The following TRPC5 variants were observed in gnomAD, a reference collection of about 807,000 sequenced individuals.
TRPC5 encodes transient receptor potential cation channel subfamily C member 5.
TRPC5 carries 9 observed loss-of-function variants against 56.5 expected under a neutral mutation model. That is an observed-to-expected ratio of 0.16 (90% CI 0.10 to 0.28). The LOEUF (loss-of-function observed/expected upper bound fraction) is 0.28, where lower values mean the gene tolerates loss of function less well. TRPC5 is among the 10% of genes least tolerant of loss of function. The pLI is 1.00. For missense variants in TRPC5, 469 were observed against 748.9 expected (o/e 0.63, Z 4.36); for synonymous variants, 282 against 278.5 (o/e 1.01, Z -0.13).
intron 1 of TRPC5, among the ~76,000 whole-genome samples, chrX:112,033,881 A>G (rs1427196843): frequency 9.0e-6 from 1 of 111,675 alleles, no homozygotes. Flanking sequence ...CAAGACCCCC[A>G]TCTCAATAAA....
At chrX:111,859,776 A>T (rs1338611534) in intron 3 of TRPC5, among the ~76,000 whole-genome samples, 1 of 112,546 alleles carries the variant, frequency 8.9e-6, no homozygotes, top group Admixed American at 9.4e-5. Context: ...ACACCATTGC[A>T]GTAAAAGCCT....
intron 1 of TRPC5, among the ~76,000 whole-genome samples, chrX:112,080,250 T>C (rs762327882): frequency 2.8e-4 from 31 of 111,352 alleles, no homozygotes; most frequent in Non-Finnish European, 4.9e-4. Context: ...GGCAATTCAT[T>C]GCATTTTGGT....
At chrX:112,078,205 G>T (rs1930881131) in intron 1 of TRPC5, among the ~76,000 whole-genome samples, 1 of 111,668 alleles carries the variant, frequency 9.0e-6, no homozygotes, top group South Asian at 3.7e-4. Context: ...AGCAAGATAG[G>T]ATTGTGTGTG....
intron 1 of TRPC5, among the ~76,000 whole-genome samples, chrX:112,029,535 A>G (rs944204032): frequency 6.3e-5 from 7 of 111,622 alleles, no homozygotes; most frequent in African/African-American, 2.0e-4. Context: ...TGGGTTGTAC[A>G]GCACCTTTAT....
At chrX:112,053,348 A>G (rs948492532) in intron 1 of TRPC5, among the ~76,000 whole-genome samples, 26 of 111,353 alleles carry the variant, frequency 2.3e-4, no homozygotes, top group African/African-American at 8.2e-4. Context: ...CGATATTTTG[A>G]GTTTCAGTTT....
chrX:111,957,609 C>A (rs1196526569), intron 1 of TRPC5, among the ~76,000 whole-genome samples: 1 of 111,688 alleles, frequency 9.0e-6, no homozygotes, highest in Non-Finnish European at 1.9e-5. Flanking sequence ...GCACCAGAGT[C>A]TACATTCCTG....
At chrX:112,029,609 C>A (rs1344765689) in intron 1 of TRPC5, among the ~76,000 whole-genome samples, 4 of 111,674 alleles carry the variant, frequency 3.6e-5, no homozygotes, top group Non-Finnish European at 7.5e-5. Flanking sequence ...ACATTTCCAC[C>A]AGCAGTGCAA....
At position 111,769,643 on chromosome X, in the gene TRPC5, G is replaced by A. The variant is rs1196906941; in HGVS notation, c.*6670C>T. Among the ~76,000 whole-genome samples the A allele has an allele frequency of 2.7e-5, 3 of 111,307 alleles. No individual in the cohort carries two copies. Among genetic ancestry groups the A allele is most frequent in the African/African-American group, 9.8e-5 (3 of 30,668 alleles). ...ATCATTCCTCAATAAAGTTAATTAG[G>A]GGAAAAAAACTAGATTCCCAAGAAC... On this transcript the variant is annotated 3_prime_UTR_variant, in exon 11 of 11. Coordinates refer to ENST00000262839, the MANE Select transcript of TRPC5 (RefSeq NM_012471.3).
At chrX:111,891,520 T>A (rs1031537239) in intron 3 of TRPC5, among the ~76,000 whole-genome samples, 1 of 111,588 alleles carries the variant, frequency 9.0e-6, no homozygotes, top group East Asian at 2.8e-4. Context: ...TAATCCTTGC[T>A]ACACAGGATT....
rs982419433 is a variant in TRPC5, at chrX:111,769,196, A to G, written c.*7117T>C. Among the ~76,000 whole-genome samples the G allele has an allele frequency of 9.0e-6, 1 of 111,452 alleles. No individual in the cohort carries two copies. Among genetic ancestry groups the G allele is most frequent in the African/African-American group, 3.3e-5 (1 of 30,735 alleles). ...TTTTTCTTTACTGTCCCTCTCCCTG[A>G]TAACAGCCTAGTCACCAGAGCCTCT... On this transcript the variant is annotated 3_prime_UTR_variant, in exon 11 of 11. Transcript: ENST00000262839.
chrX:112,014,961 T>C (rs923948061), intron 1 of TRPC5, among the ~76,000 whole-genome samples: 4 of 111,316 alleles, frequency 3.6e-5, no homozygotes, highest in African/African-American at 1.3e-4. Flanking sequence ...TCCAGATGAT[T>C]CTAGTATGCA....
chrX:111,955,859 A>C (rs1334523796), intron 1 of TRPC5, among the ~76,000 whole-genome samples: 2 of 112,481 alleles, frequency 1.8e-5, no homozygotes, highest in Non-Finnish European at 3.7e-5. Context: ...ATCTGCCATT[A>C]ACCAAAGCTA....
At chrX:112,051,095 C>A (rs1219992928) in intron 1 of TRPC5, among the ~76,000 whole-genome samples, 1 of 112,558 alleles carries the variant, frequency 8.9e-6, no homozygotes, top group Non-Finnish European at 1.9e-5. Flanking sequence ...GCTGGTTCAG[C>A]CAATGGGAGT....
Position 111,776,513 on chromosome X carries a change from C to T in TRPC5, c.2722G>A (p.Glu908Lys), listed in dbSNP as rs781070736. The change falls in exon 11 of 11, where the codon GAA (glutamate) becomes AAA (lysine). Residue 908 changes from glutamate (E) to lysine (K), a missense_variant. This residue lies in a region of TRPC5 where 194 missense variants were observed against 221.8 expected (regional missense o/e 0.87). Transcript: ENST00000262839. ...EINLSEVELG[E>K]VQGAAQSSEC... ...CTGCTCTGAGCAGCGCCCTGGACTT[C>T]ACCTAATTCTACCTCACTGAGGTTA... 3 of 1,209,182 alleles carry T rather than the reference C, an allele frequency of 2.5e-6. No homozygotes were observed.
At chrX:111,968,654 G>T (rs1287790260) in intron 1 of TRPC5, among the ~76,000 whole-genome samples, 1 of 109,019 alleles carries the variant, frequency 9.2e-6, no homozygotes, top group Non-Finnish European at 1.9e-5. Flanking sequence ...CATAAAAAAT[G>T]ATGAGTTCAT....
intron 7 of TRPC5, among the ~76,000 whole-genome samples, chrX:111,793,725 G>A (rs1459502221): frequency 1.8e-5 from 2 of 111,559 alleles, no homozygotes; most frequent in African/African-American, 3.3e-5. Context: ...AAATGAAAAC[G>A]TATCTCCACT....
At chrX:111,868,052 A>G (rs1395408595) in intron 3 of TRPC5, among the ~76,000 whole-genome samples, 2 of 112,464 alleles carry the variant, frequency 1.8e-5, no homozygotes, top group Admixed American at 9.4e-5. Flanking sequence ...AATAGTAATA[A>G]TAACAACATC....
chrX:111,876,308 G>A (rs1292939636), intron 3 of TRPC5: 1 of 111,355 alleles, frequency 9.0e-6, no homozygotes, highest in African/African-American at 3.3e-5. Flanking sequence ...CCACTTGCAA[G>A]TCTATGAGAG....
At chrX:112,005,987 G>A (rs1182249418) in intron 1 of TRPC5, among the ~76,000 whole-genome samples, 28 of 111,223 alleles carry the variant, frequency 2.5e-4, no homozygotes, top group Non-Finnish European at 3.8e-5. Flanking sequence ...CGGGGGGCAG[G>A]GGTTGGTCAA....
Sources: allele counts gnomAD v4.1 joint callset (sites outside exome capture counted in the v4.1 genomes callset), GRCh38; gene constraint gnomAD v4.1.1; regional missense constraint gnomAD v4.1.1; transcripts MANE v1.5; gene names NCBI Gene and HGNC (gene_info 2026-07-23, HGNC 2026-07-21).